The following BEND5 variants were observed in gnomAD, a reference collection of about 807,000 sequenced individuals.
The protein encoded by BEND5 is BEN domain containing 5.
BEND5 carries 22 observed loss-of-function variants against 43.9 expected under a neutral mutation model. The observed-to-expected ratio is 0.50, with a 90% confidence interval of 0.36 to 0.72. The LOEUF is 0.72. Ranked by LOEUF, BEND5 falls within the 30% of genes least tolerant of loss-of-function variation. The pLI is 0.00. For synonymous variants in BEND5, 228 were observed against 225.9 expected, an observed-to-expected ratio of 1.01 and a Z score of -0.08; for missense variants, 428 against 550.6, an observed-to-expected ratio of 0.78 and a Z score of 2.23.
chr1:48,728,911 C>T (rs1647643969), intron 5 of BEND5, among the ~76,000 whole-genome samples: 1 of 152,202 alleles, frequency 6.6e-6, no homozygotes, highest in African/African-American at 2.4e-5. Flanking sequence ...TAGTGTCTCA[C>T]TGCTGTGATT....
At chr1:48,729,036 G>T (rs1647666748) in intron 5 of BEND5, among the ~76,000 whole-genome samples, 2 of 152,116 alleles carry the variant, frequency 1.3e-5, no homozygotes, top group Non-Finnish European at 2.9e-5. Flanking sequence ...TGACTGCCTA[G>T]CCTGGGGACC....
intron 4 of BEND5, among the ~76,000 whole-genome samples, chr1:48,737,334 C>A (rs1037421142): frequency 6.6e-6 from 1 of 152,080 alleles, no homozygotes; most frequent in Admixed American, 6.5e-5. Flanking sequence ...AGTTCGTGGG[C>A]CCCACTCCTA....
At chr1:48,744,491 T>C (rs1650420524) in intron 3 of BEND5, among the ~76,000 whole-genome samples, 1 of 152,136 alleles carries the variant, frequency 6.6e-6, no homozygotes, top group Non-Finnish European at 1.5e-5. Flanking sequence ...AGCTCTGACC[T>C]TCAGTCAACA....
chr1:48,750,629 C>T (rs989853701), intron 3 of BEND5, among the ~76,000 whole-genome samples: 8 of 152,212 alleles, frequency 5.3e-5, no homozygotes, highest in East Asian at 1.9e-4. Context: ...TTGATTTCTC[C>T]GTGCCTAGCA....
At chr1:48,773,526 T>C (rs1201796723) in intron 1 of BEND5, among the ~76,000 whole-genome samples, 1 of 151,870 alleles carries the variant, frequency 6.6e-6, no homozygotes, top group African/African-American at 2.4e-5. Flanking sequence ...GGGAGGATGG[T>C]AATGGAGAAA....
At chr1:48,754,345 T>C (rs1652200810) in intron 3 of BEND5, among the ~76,000 whole-genome samples, 1 of 152,212 alleles carries the variant, frequency 6.6e-6, no homozygotes, top group Non-Finnish European at 1.5e-5. Context: ...ACCATTCTAA[T>C]CTACTTGTGC....
At chr1:48,755,447 T>C (rs1421202027) in intron 3 of BEND5, among the ~76,000 whole-genome samples, 1 of 152,196 alleles carries the variant, frequency 6.6e-6, no homozygotes, top group African/African-American at 2.4e-5. Flanking sequence ...GCTAGGCCCC[T>C]AGCTGAGGTG....
chr1:48,762,005 G>C (rs1389609070), intron 1 of BEND5, among the ~76,000 whole-genome samples: 1 of 152,134 alleles, frequency 6.6e-6, no homozygotes, highest in Non-Finnish European at 1.5e-5. Context: ...TAAGGCAGAC[G>C]GGAGAAGAAT....
At chr1:48,728,333 T>G (rs1228971280) in intron 5 of BEND5, among the ~76,000 whole-genome samples, 1 of 151,948 alleles carries the variant, frequency 6.6e-6, no homozygotes, top group Non-Finnish European at 1.5e-5. Context: ...CCCTAATTCT[T>G]TCCTCTCCAC....
chr1:48,728,135 T>C, intron 5 of BEND5, 92 bp from the exon 6 acceptor site: 1 of 1,179,272 alleles, frequency 8.5e-7, no homozygotes, highest in South Asian at 1.6e-5. Context: ...CCTCCCAACA[T>C]ACTTCCCAAA....
At chr1:48,757,440 T>C (rs1275479713) in intron 3 of BEND5, among the ~76,000 whole-genome samples, 1 of 152,246 alleles carries the variant, frequency 6.6e-6, no homozygotes, top group East Asian at 1.9e-4. Context: ...TGAACCTCTG[T>C]AGACTATGAT....
chr1:48,773,159 A>G (rs1233579746), intron 1 of BEND5, among the ~76,000 whole-genome samples: 1 of 152,126 alleles, frequency 6.6e-6, no homozygotes, highest in Non-Finnish European at 1.5e-5. Context: ...AATTCAGCAC[A>G]CTCAAACAAC....
intron 3 of BEND5, among the ~76,000 whole-genome samples, chr1:48,745,882 T>C (rs542996909): frequency 6.6e-6 from 1 of 152,184 alleles, no homozygotes; most frequent in South Asian, 2.1e-4. Flanking sequence ...TCTACCATAA[T>C]AATCAGATGT....
chr1:48,742,757 G>T lies in BEND5; in HGVS notation c.760C>A (p.Leu254Met). Residue 254 changes from leucine (L) to methionine (M), a missense_variant, in exon 4 of 6, where the codon CTG (leucine) becomes ATG (methionine). By Grantham distance (15) the Leu-to-Met change is conservative. Around this residue, in one of 4 missense-constraint regions of BEND5, gnomAD observed 243 missense variants for 286.4 expected, o/e 0.85. Transcript: ENST00000371833. ...LRLGSGPAID[L>M]EKVKSECLEP... is the part of the protein sequence containing the mutation. ...AGACATTCTGACTTTACTTTTTCCA[G>T]ATCAATGGCGGGACCTAGGCAGTTA... 6.2e-7 allele frequency: 1 copy of T among 1,600,620 alleles called. No individual in the cohort carries two copies. Among genetic ancestry groups the T allele is most frequent in the Non-Finnish European group, 8.5e-7 (1 of 1,172,380 alleles).
intron 4 of BEND5, among the ~76,000 whole-genome samples, chr1:48,738,917 A>G (rs1419205697): frequency 6.6e-6 from 1 of 152,196 alleles, no homozygotes; most frequent in African/African-American, 2.4e-5. Flanking sequence ...TTCCCATTTT[A>G]CAGATGTAAA....
At chr1:48,760,944 G>A (rs1644226267) in intron 2 of BEND5, 1 of 163,454 alleles carries the variant, frequency 6.1e-6, no homozygotes, top group Non-Finnish European at 1.3e-5. Context: ...AATGAGTCCA[G>A]CCTTAGCTAT....
intron 1 of BEND5, among the ~76,000 whole-genome samples, chr1:48,771,269 A>T (rs1169695586): frequency 6.6e-6 from 1 of 152,204 alleles, no homozygotes; most frequent in East Asian, 1.9e-4. Flanking sequence ...AAGACAAAGC[A>T]GGTAGGCACA....
At chr1:48,728,436 A>T (rs1570372900) in intron 5 of BEND5, among the ~76,000 whole-genome samples, 5 of 139,522 alleles carry the variant, frequency 3.6e-5, no homozygotes, top group Non-Finnish European at 3.1e-5. Flanking sequence ...TTTATTTTCC[A>T]TTTTCAATCT....
At chr1:48,752,800 A>G (rs1651953876) in intron 3 of BEND5, among the ~76,000 whole-genome samples, 2 of 151,768 alleles carry the variant, frequency 1.3e-5, no homozygotes, top group Non-Finnish European at 2.9e-5. Flanking sequence ...GCCAGGCTGG[A>G]GTGCAGTGGC....
Sources: allele counts gnomAD v4.1 joint callset (sites outside exome capture counted in the v4.1 genomes callset), GRCh38; gene constraint gnomAD v4.1.1; regional missense constraint gnomAD v4.1.1; transcripts MANE v1.5; gene names NCBI Gene and HGNC (gene_info 2026-07-23, HGNC 2026-07-21).